The following SUFU variants were observed in gnomAD, a reference collection of about 807,000 sequenced individuals.
The protein encoded by SUFU is suppressor of fused homolog.
In SUFU, 7 loss-of-function variants were observed where a neutral mutation model predicts 58.9. The ratio of observed to expected loss-of-function variants is 0.12; its 90% CI spans 0.07 to 0.22. The LOEUF is 0.22. Ranked by LOEUF, SUFU falls within the 10% of genes least tolerant of loss-of-function variation. The pLI, the probability that SUFU is intolerant of heterozygous loss-of-function variation, is 1.00. For synonymous variants in SUFU, 232 were observed against 254.8 expected (o/e 0.91, Z 0.85); for missense variants, 451 against 641.3 (o/e 0.70, Z 3.20).
rs761240106 is a variant in SUFU, at chr10:102,504,217, C to G, written c.65C>G (p.Ala22Gly). 1 of 1,605,492 alleles carries G rather than the reference C, an allele frequency of 6.2e-7. No individual in the cohort carries two copies. Among genetic ancestry groups the G allele is most frequent in the African/African-American group, 1.3e-5 (1 of 74,664 alleles). Residue 22 changes from alanine (A) to glycine (G), a missense_variant, in exon 1 of 12, where the codon GCC becomes GGC. Ala to Gly is a moderately conservative substitution (Grantham distance 60, BLOSUM62 0). Coordinates refer to ENST00000369902, the MANE Select transcript of SUFU (RefSeq NM_016169.4). Reference sequence around the variant, plus strand: ...GCGCCCCCGGCCCCTGGCCCGACTGCCCCCCCGGCCTTCGCTTCGCTCTTT... The same window carrying G: ...GCGCCCCCGGCCCCTGGCCCGACTGGCCCCCCGGCCTTCGCTTCGCTCTTT... ...PTAPPAPGPT[A>G]PPAFASLFPP...
At chr10:102,507,921 C>G (rs1390613046) in intron 1 of SUFU, among the ~76,000 whole-genome samples, 2 of 141,964 alleles carry the variant, frequency 1.4e-5, no homozygotes, top group Non-Finnish European at 3.1e-5. Flanking sequence ...CTGATGGTTT[C>G]TATTTGGTCT....
chr10:102,522,342 T>C (rs1371689151), intron 2 of SUFU, among the ~76,000 whole-genome samples: 1 of 152,152 alleles, frequency 6.6e-6, no homozygotes, highest in Non-Finnish European at 1.5e-5. Context: ...TCCTGAGGGG[T>C]TGTGTTCTTC....
rs1333202541 is a variant in SUFU at position 102,509,312 on chromosome 10, A to G, written c.317+9A>G. The stretch of plus-strand genomic sequence containing the variant: ...GACAACAGAGTCCATGAGTGAGTAT[A>G]TGCCACCTGTTCTTTATCCAGAGCC... On this transcript the variant is annotated intron_variant, in intron 2 of 11. Transcript: ENST00000369902. 6.2e-7 allele frequency: 1 copy of G among 1,613,908 alleles called. No individual in the cohort carries two copies. The highest frequency in any genetic ancestry group is 8.5e-7 in the Non-Finnish European group (1 of 1,180,022).
chr10:102,503,932 GC>G (rs953432067), upstream of SUFU: 4 of 553,272 alleles, frequency 7.2e-6, no homozygotes, highest in Non-Finnish European at 1.2e-5. Context: ...CCGGCGCCCC[GC>G]CCCCCTTAGC....
intron 9 of SUFU, among the ~76,000 whole-genome samples, chr10:102,615,617 GGGA>G (rs1166561684): frequency 6.6e-6 from 1 of 152,210 alleles, no homozygotes. Flanking sequence ...GTCTCAGGGA[GGGA>G]GGAGAGCTAC....
chr10:102,520,658 G>T (rs372990672), intron 2 of SUFU, among the ~76,000 whole-genome samples: 58 of 151,920 alleles, frequency 3.8e-4, no homozygotes, highest in Non-Finnish European at 5.4e-4. Flanking sequence ...CAACTGTTTG[G>T]TTTTTTTTAC....
In SUFU at chr10:102,628,894, G is replaced by T. The variant is rs1458878014; in HGVS notation, c.1366-1172G>T. Among the ~76,000 whole-genome samples, 1 of 152,090 alleles carries T rather than the reference G, an allele frequency of 6.6e-6. No homozygotes were observed. The stretch of plus-strand genomic sequence containing the variant: ...CCCTGGGCCGGGCGCAGTGACTCAT[G>T]TCTGTAATCCCAGCACTTTGGGAGG... On this transcript the variant is annotated intron_variant, in intron 11 of 11. Transcript: ENST00000369902. The surrounding 1 kb of genome is among the most constrained non-coding windows in gnomAD (Gnocchi z 4.5).
rs2063432262 is a variant in SUFU at position 102,593,875 on chromosome 10, T to C, written c.684-118T>C. The C allele has an allele frequency of 2.8e-6, 4 of 1,426,672 alleles. No individual in the cohort carries two copies. In the South Asian group the frequency reaches 4.6e-5, roughly 17 times the overall value. 88.4% of individuals were successfully genotyped at this position (1,426,672 alleles called of 1,614,324 possible). A position where few individuals can be genotyped will look rare whatever the true frequency, so the allele number is the denominator to read the frequency against. On this transcript the variant is annotated intron_variant, in intron 5 of 11. Transcript: ENST00000369902. Reference sequence around the variant, plus strand: ...TGACGACTCACTCCCTGACAGTCCCTGACCACGAACTATTCCCCTGTGTCC... The same window carrying C: ...TGACGACTCACTCCCTGACAGTCCCCGACCACGAACTATTCCCCTGTGTCC...
intron 2 of SUFU, among the ~76,000 whole-genome samples, chr10:102,522,257 G>A (rs2062559623): frequency 6.6e-6 from 1 of 152,172 alleles, no homozygotes; most frequent in South Asian, 2.1e-4. Flanking sequence ...GAGTGGTTTA[G>A]GTAGTATATG....
intron 3 of SUFU, among the ~76,000 whole-genome samples, chr10:102,558,483 C>T (rs2063003779): frequency 6.6e-6 from 1 of 152,196 alleles, no homozygotes; most frequent in Non-Finnish European, 1.5e-5. Context: ...AGTGCTAGGA[C>T]TACACATGCG....
chr10:102,558,986 T>C (rs1328861394), intron 3 of SUFU, among the ~76,000 whole-genome samples: 1 of 152,248 alleles, frequency 6.6e-6, no homozygotes, highest in Non-Finnish European at 1.5e-5. Context: ...CAGGGTTGGC[T>C]GCCATCTGTT....
chr10:102,566,367 C>T (rs375723878), intron 3 of SUFU, among the ~76,000 whole-genome samples: 6 of 152,306 alleles, frequency 3.9e-5, no homozygotes, highest in South Asian at 2.1e-4. Context: ...CAGTGTCTCA[C>T]GCCTGTAACC....
At chr10:102,556,609 G>A (rs1313975042) in intron 3 of SUFU, among the ~76,000 whole-genome samples, 4 of 151,998 alleles carry the variant, frequency 2.6e-5, no homozygotes, top group Non-Finnish European at 4.4e-5. Flanking sequence ...CGGGAGTGCT[G>A]GCACGTGCCT....
At chr10:102,571,334 G>T (rs2063158257) in intron 3 of SUFU, among the ~76,000 whole-genome samples, 1 of 152,154 alleles carries the variant, frequency 6.6e-6, no homozygotes, top group South Asian at 2.1e-4. Context: ...GGTTGCTGGG[G>T]ATGAGGCCAA....
At chr10:102,553,600 A>T (rs1213030979) in intron 3 of SUFU, among the ~76,000 whole-genome samples, 1 of 151,974 alleles carries the variant, frequency 6.6e-6, no homozygotes, top group African/African-American at 2.4e-5. Context: ...AGTAGCTGGG[A>T]CTACAGGCGC....
At chr10:102,507,603 G>A (rs1387376420) in intron 1 of SUFU, among the ~76,000 whole-genome samples, 2 of 152,210 alleles carry the variant, frequency 1.3e-5, no homozygotes, top group Admixed American at 1.3e-4. Context: ...AAATAACTTA[G>A]CATTTCCTAA....
At chr10:102,565,417 G>T (rs1000794917) in intron 3 of SUFU, among the ~76,000 whole-genome samples, 5 of 152,140 alleles carry the variant, frequency 3.3e-5, no homozygotes, top group African/African-American at 1.2e-4. Flanking sequence ...GAGTTTGTTG[G>T]GGTTGGGGGG....
intron 2 of SUFU, among the ~76,000 whole-genome samples, chr10:102,515,147 G>T (rs2062451165): frequency 6.6e-6 from 1 of 152,200 alleles, no homozygotes; most frequent in African/African-American, 2.4e-5. Context: ...GGTTGGTGGA[G>T]AGCCTCCCTT....
intron 3 of SUFU, among the ~76,000 whole-genome samples, chr10:102,584,589 G>A (rs2063317799): frequency 6.6e-6 from 1 of 152,076 alleles, no homozygotes; most frequent in South Asian, 2.1e-4. Flanking sequence ...ACAATTTTAG[G>A]TAGGCAACAA....
Sources: allele counts gnomAD v4.1 joint callset (sites outside exome capture counted in the v4.1 genomes callset), GRCh38; gene constraint gnomAD v4.1.1; non-coding constraint Gnocchi (gnomAD v3.1); transcripts MANE v1.5; gene names NCBI Gene and HGNC (gene_info 2026-07-23, HGNC 2026-07-21).